The following KANSL3 variants were observed in gnomAD, a reference collection of about 807,000 sequenced individuals.
The protein encoded by KANSL3 is KAT8 regulatory NSL complex subunit 3.
KANSL3 carries 16 observed loss-of-function variants against 89.2 expected under a neutral mutation model. The observed-to-expected ratio is 0.18, with a 90% CI of 0.12 to 0.27. The LOEUF (loss-of-function observed/expected upper bound fraction) is 0.27. Among genes scored for constraint, KANSL3 ranks in the 10% least tolerant of loss-of-function variants. KANSL3 has a pLI of 1.00. For missense variants in KANSL3, 879 were observed against 1,110.6 expected (o/e 0.79, Z 2.96); for synonymous variants, 385 against 419.7 (o/e 0.92, Z 1.01).
At chr2:96,636,110 C>A (rs886244637) in intron 2 of KANSL3, among the ~76,000 whole-genome samples, 8 of 151,910 alleles carry the variant, frequency 5.3e-5, no homozygotes, top group South Asian at 2.1e-4. Context: ...TAACCCCCAA[C>A]AAAATTAAAA....
intron 14 of KANSL3, chr2:96,606,039 G>A (rs1203722632): frequency 6.6e-6 from 1 of 152,514 alleles, no homozygotes; most frequent in African/African-American, 2.4e-5. Flanking sequence ...GCTCTCAAGA[G>A]TCCCACCCTG....
the KANSL3 span, among the ~76,000 whole-genome samples, chr2:96,587,604 CCA>C: frequency 6.6e-6 from 1 of 152,126 alleles, no homozygotes; most frequent in Non-Finnish European, 1.5e-5. Flanking sequence ...TCAAAATGTC[CCA>C]GTTTCATCCA....
chr2:96,610,859 T>C lies in KANSL3; in HGVS notation c.1186A>G (p.Met396Val). The C allele has an allele frequency of 1.9e-6, 3 of 1,614,006 alleles. No homozygotes were observed. Among genetic ancestry groups the C allele is most frequent in the Non-Finnish European group, 2.5e-6 (3 of 1,179,886 alleles). ...RGDVDDPLLD[M>V]KTPVLFVIGQ... ...ATGACAAAGAGGACTGGAGTCTTCATATCCAAGAGGGGATCATCTACATCC... is the reference window on the plus strand; with the variant it reads ...ATGACAAAGAGGACTGGAGTCTTCACATCCAAGAGGGGATCATCTACATCC... Residue 396 changes from methionine to valine, a missense_variant, in exon 11 of 21, where the codon ATG becomes GTG. This residue lies in a region of KANSL3 where 198 missense variants were observed against 260.3 expected (regional missense o/e 0.76). Coordinates refer to ENST00000431828, the MANE Select transcript of KANSL3 (RefSeq NM_001115016.3).
At chr2:96,601,274 TAAAAATAA>T (rs1458815424) in intron 20 of KANSL3, 1 of 975,772 alleles carries the variant, frequency 1.0e-6, no homozygotes, top group Non-Finnish European at 1.2e-6. Flanking sequence ...TCTCAAAAAA[TAAAAATAA>T]AAACAAAGAA....
chr2:96,612,736 C>A, intron 7 of KANSL3, 82 bp downstream of exon 7: 1 of 1,238,190 alleles, frequency 8.1e-7, no homozygotes, highest in Non-Finnish European at 1.2e-6. Flanking sequence ...CCCATTTTGA[C>A]CTCCTCCCAC....
At chr2:96,611,182 T>C in intron 9 of KANSL3, 44 bp from the exon 10 acceptor site, 1 of 1,549,608 alleles carries the variant, frequency 6.5e-7, no homozygotes, top group Non-Finnish European at 8.9e-7. Context: ...ACTGAGTTCA[T>C]GGCACCTCAG....
At chr2:96,610,558 G>A (rs1377348201) in intron 11 of KANSL3, 168 bp downstream of exon 11, 12 of 587,214 alleles carry the variant, frequency 2.0e-5, no homozygotes, top group South Asian at 8.9e-5. Flanking sequence ...CTCGTGATCC[G>A]CCTGCCTCAG....
chr2:96,620,794 G>A (rs2071119440), intron 3 of KANSL3, among the ~76,000 whole-genome samples: 1 of 151,894 alleles, frequency 6.6e-6, no homozygotes. Context: ...CTTGAGTCCA[G>A]GAATTCAAGA....
In KANSL3 at chr2:96,608,851, C is replaced by T; in HGVS notation, c.1584+13G>A. On this transcript the variant is annotated intron_variant, in intron 13 of 20. Coordinates refer to ENST00000431828, the MANE Select transcript of KANSL3 (RefSeq NM_001115016.3). The stretch of plus-strand genomic sequence containing the variant: ...ATTCCCCAGCAAAAGCGCTCCCTCC[C>T]TGCTCACACTACCTCTGAGCCTGAG... The T allele has an allele frequency of 6.4e-7, 1 of 1,558,702 alleles. No homozygotes were observed. The highest frequency in any genetic ancestry group is 8.7e-7 in the Non-Finnish European group (1 of 1,152,114).
chr2:96,636,593 T>C (rs998177178), intron 2 of KANSL3: 8 of 242,936 alleles, frequency 3.3e-5, no homozygotes, highest in Admixed American at 3.1e-4. Context: ...ATCCTGTGGG[T>C]AATCTTTTAA....
Position 96,631,441 on chromosome 2 carries a change from G to A in KANSL3, c.257C>T (p.Thr86Met), listed in dbSNP as rs774529366. Residue 86 changes from threonine (T) to methionine (M), a missense_variant, in exon 3 of 21, where the codon ACG becomes ATG. Around this residue, in one of 6 missense-constraint regions of KANSL3, gnomAD observed 210 missense variants for 311.9 expected, o/e 0.67. Coordinates refer to ENST00000431828, the MANE Select transcript of KANSL3 (RefSeq NM_001115016.3). Reference sequence around the variant, plus strand: ...CTGATTGTCATAGAGTGGCATAGGCGTTGATGTGACCGTCTCCACATCTAT... The same window carrying A: ...CTGATTGTCATAGAGTGGCATAGGCATTGATGTGACCGTCTCCACATCTAT... ...VPIDVETVTS[T>M]PMPLYDNQKA... 13 of 1,590,814 alleles carry A rather than the reference G, an allele frequency of 8.2e-6. No homozygotes were observed. The highest frequency in any genetic ancestry group is 1.1e-5 in the Non-Finnish European group (13 of 1,168,106).
the KANSL3 span, among the ~76,000 whole-genome samples, chr2:96,582,593 C>A: frequency 3.9e-5 from 6 of 152,144 alleles, no homozygotes; most frequent in African/African-American, 1.4e-4. Context: ...CATCCTATAG[C>A]GTAATATTAA....
chr2:96,605,231 G>A, intron 15 of KANSL3, 89 bp downstream of exon 15: 1 of 1,177,844 alleles, frequency 8.5e-7, no homozygotes. Context: ...ATAAAGCAAA[G>A]GCTGACATGC....
At position 96,612,339 on chromosome 2, in the gene KANSL3, G is replaced by C. The variant is rs1165350527; in HGVS notation, c.1029C>G (p.Phe343Leu). 6.2e-7 allele frequency: 1 copy of C among 1,613,666 alleles called. No individual in the cohort carries two copies. Residue 343 changes from phenylalanine (F) to leucine (L), a missense_variant, in exon 9 of 21, where the codon TTC becomes TTG. This residue lies in a region of KANSL3 where 198 missense variants were observed against 260.3 expected (regional missense o/e 0.76). Coordinates refer to ENST00000431828, the MANE Select transcript of KANSL3 (RefSeq NM_001115016.3). Reference protein sequence around the residue: ...RSKVLEIHSHFPHKPIILIGW... With the variant: ...RSKVLEIHSHLPHKPIILIGW... ...CAATCAAGATAATGGGTTTGTGTGG[G>C]AAATGGCTGTGAATCTTCATGGGAA...
Position 96,593,235 on chromosome 2 carries a change from T to A in KANSL3, c.*2376A>T, listed in dbSNP as rs1168775678. ...AACAGAACCATCACAGCCGCTCAGC[T>A]CTATAACCCATCCAGCCCAAGACTG... On this transcript the variant is annotated 3_prime_UTR_variant, in exon 21 of 21. Transcript: ENST00000431828. 1 of 456,016 alleles carries A rather than the reference T, an allele frequency of 2.2e-6. No individual in the cohort carries two copies. The highest frequency in any genetic ancestry group is 1.5e-5 in the South Asian group (1 of 64,564). The allele number at this position is 456,016 out of a possible 1,614,324, so 28.2% of individuals were successfully genotyped here.
intron 2 of KANSL3, among the ~76,000 whole-genome samples, chr2:96,633,678 C>A (rs1424228995): frequency 1.3e-5 from 2 of 151,930 alleles, no homozygotes; most frequent in African/African-American, 4.8e-5. Flanking sequence ...CCAGCCTGGG[C>A]AACATGGTGA....
Position 96,612,561 on chromosome 2 carries a change from G to A in KANSL3, c.915C>T (p.Val305=), listed in dbSNP as rs2105489051. 1 of 1,612,064 alleles carries A rather than the reference G, an allele frequency of 6.2e-7. No homozygotes were observed. Among genetic ancestry groups the A allele is most frequent in the South Asian group, 1.1e-5 (1 of 90,980 alleles). Residue 305 remains valine (V), a splice_region_variant and synonymous_variant, in exon 8 of 21, where the codon GTC becomes GTT. Transcript: ENST00000431828. ...WQSQLSCLGK[V]IPVATHLLNN... ...TCAGCAGATGGGTGGCTACAGGGATGACCTGAAGGAAAGAAGTAGCCCCCA... is the reference window on the plus strand; with the variant it reads ...TCAGCAGATGGGTGGCTACAGGGATAACCTGAAGGAAAGAAGTAGCCCCCA...
At position 96,608,896 on chromosome 2, in the gene KANSL3, C is replaced by A; in HGVS notation, c.1552G>T (p.Ala518Ser). Residue 518 changes from alanine to serine, a missense_variant, in exon 13 of 21, where the codon GCC (alanine) becomes TCC (serine). By Grantham distance (99) the Ala-to-Ser change is moderately conservative (BLOSUM62 1). Transcript: ENST00000431828. ...ERGSRPASPAAKLPASPSGSE... is the reference protein window; with the variant it reads ...ERGSRPASPASKLPASPSGSE... ...CCTGAGGGTGAGGCGGGCAGCTTGGCAGCTGGGGAGGCAGGTCGACTGCCC... is the reference window on the plus strand; with the variant it reads ...CCTGAGGGTGAGGCGGGCAGCTTGGAAGCTGGGGAGGCAGGTCGACTGCCC... The A allele has an allele frequency of 6.3e-7, 1 of 1,578,618 alleles. No homozygotes were observed. The highest frequency in any genetic ancestry group is 8.6e-7 in the Non-Finnish European group (1 of 1,162,446).
intron 3 of KANSL3, among the ~76,000 whole-genome samples, chr2:96,623,000 C>T (rs959531910): frequency 6.6e-6 from 1 of 152,152 alleles, no homozygotes; most frequent in African/African-American, 2.4e-5. Flanking sequence ...CCAGCCATAC[C>T]ACTACCTCAT....
Sources: allele counts gnomAD v4.1 joint callset (sites outside exome capture counted in the v4.1 genomes callset), GRCh38; gene constraint gnomAD v4.1.1; regional missense constraint gnomAD v4.1.1; transcripts MANE v1.5; gene names NCBI Gene and HGNC (gene_info 2026-07-23, HGNC 2026-07-21).